BABAM2: variants seen among roughly 807,000 people sequenced by gnomAD.
The protein encoded by BABAM2 is BRISC and BRCA1-A complex member 2.
Under a neutral mutation model 54.7 loss-of-function variants are expected in BABAM2, and 31 were observed. That is an observed-to-expected ratio of 0.57 (90% CI 0.43 to 0.77). The LOEUF (loss-of-function observed/expected upper bound fraction) is 0.77, where lower values mean the gene tolerates loss of function less well. Among genes scored for constraint, BABAM2 ranks in the 30% least tolerant of loss-of-function variants. BABAM2 has a pLI of 0.00. For missense variants in BABAM2, 364 were observed against 455.8 expected (o/e 0.80, Z 1.83); for synonymous variants, 167 against 162.9 (o/e 1.03, Z -0.19).
intron 6 of BABAM2, among the ~76,000 whole-genome samples, chr2:28,087,679 C>T (rs1052741937): frequency 3.3e-5 from 5 of 151,220 alleles, no homozygotes; most frequent in East Asian, 1.9e-4. Flanking sequence ...GACAGAGTCT[C>T]GCTCTGTCGC....
intron 5 of BABAM2, among the ~76,000 whole-genome samples, chr2:28,030,445 G>A (rs1386941711): frequency 1.3e-5 from 2 of 152,202 alleles, no homozygotes; most frequent in Non-Finnish European, 2.9e-5. Flanking sequence ...GCTTACAGCA[G>A]ACCAGGCCTA....
chr2:28,099,571 G>A (rs1346686347), intron 6 of BABAM2, among the ~76,000 whole-genome samples: 1 of 152,090 alleles, frequency 6.6e-6, no homozygotes, highest in Non-Finnish European at 1.5e-5. Flanking sequence ...ATTTTAATGT[G>A]ATCTTTTTTT....
At chr2:28,134,190 A>C (rs1670337021) in intron 7 of BABAM2, among the ~76,000 whole-genome samples, 1 of 132,206 alleles carries the variant, frequency 7.6e-6, no homozygotes, top group South Asian at 2.6e-4. Context: ...AAAAAAAGTC[A>C]ATGGTGAGTT....
chr2:28,033,147 C>T (rs754029211), intron 5 of BABAM2, among the ~76,000 whole-genome samples: 17 of 152,058 alleles, frequency 1.1e-4, no homozygotes, highest in South Asian at 4.1e-4. Flanking sequence ...AAGTATATAT[C>T]CTGTTTTGAT....
chr2:28,061,356 C>A (rs563683813), intron 6 of BABAM2, among the ~76,000 whole-genome samples: 133 of 151,724 alleles, frequency 8.8e-4, no homozygotes, highest in African/African-American at 3.2e-3. Flanking sequence ...GAGGCCGAGG[C>A]GGGCAGATCA....
chr2:28,028,687 TCTC>T (rs573617863), intron 5 of BABAM2, among the ~76,000 whole-genome samples: 11 of 152,212 alleles, frequency 7.2e-5, no homozygotes, highest in Non-Finnish European at 1.5e-4. Flanking sequence ...TAGGTGCTCT[TCTC>T]TGCTAATTCT....
At chr2:28,126,042 G>A (rs1669494372) in intron 6 of BABAM2, among the ~76,000 whole-genome samples, 1 of 152,174 alleles carries the variant, frequency 6.6e-6, no homozygotes, top group Non-Finnish European at 1.5e-5. Context: ...TGAAAAGTGG[G>A]GGTGAGAGAG....
At position 28,094,780 on chromosome 2, in the gene BABAM2, A is replaced by C. The variant is rs183771082; in HGVS notation, c.571-34491A>C. ...AGGATTTCTTTATGCAAATGCGAGT[A>C]TATGTTCTCATTTATTCTCTTCCTT... On this transcript the variant is annotated intron_variant, in intron 6 of 11. Coordinates refer to ENST00000379624, the MANE Select transcript of BABAM2 (RefSeq NM_199191.3). 8.6e-5 allele frequency among the ~76,000 whole-genome samples: 13 copies of C among 151,704 alleles called. No individual in the cohort carries two copies. In the East Asian group the frequency reaches 2.5e-3, roughly 29 times the overall value.
intron 10 of BABAM2, among the ~76,000 whole-genome samples, chr2:28,245,931 T>G (rs1167809102): frequency 3.9e-5 from 6 of 152,192 alleles, no homozygotes; most frequent in Admixed American, 3.9e-4. Context: ...TCTATCTGAT[T>G]ACACACCAAT....
At chr2:28,293,086 T>C (rs1242572145) in intron 10 of BABAM2, among the ~76,000 whole-genome samples, 1 of 152,228 alleles carries the variant, frequency 6.6e-6, no homozygotes, top group Non-Finnish European at 1.5e-5. Flanking sequence ...TCCTCTGTGC[T>C]AGACTGCGAA....
At chr2:28,243,827 C>T (rs1343009352) in intron 9 of BABAM2, among the ~76,000 whole-genome samples, 1 of 152,088 alleles carries the variant, frequency 6.6e-6, no homozygotes, top group Non-Finnish European at 1.5e-5. Context: ...GTTCTTTTAC[C>T]TTTATAAGGG....
chr2:28,190,724 G>A (rs1431566123), intron 7 of BABAM2, among the ~76,000 whole-genome samples: 1 of 152,014 alleles, frequency 6.6e-6, no homozygotes, highest in Non-Finnish European at 1.5e-5. Flanking sequence ...ATCCCATGAG[G>A]GCAGAGCCCT....
intron 7 of BABAM2, among the ~76,000 whole-genome samples, chr2:28,167,800 T>C (rs937101381): frequency 3.3e-5 from 5 of 152,214 alleles, no homozygotes; most frequent in African/African-American, 1.2e-4. Context: ...GGTTACTCTA[T>C]ATATTCTAAA....
At chr2:28,190,623 T>C (rs989593046) in intron 7 of BABAM2, among the ~76,000 whole-genome samples, 11 of 151,756 alleles carry the variant, frequency 7.2e-5, no homozygotes, top group African/African-American at 2.4e-4. Context: ...GGAGGCAGAG[T>C]TTATGGAGAG....
chr2:28,192,743 C>G (rs954864705), intron 7 of BABAM2, among the ~76,000 whole-genome samples: 1 of 150,764 alleles, frequency 6.6e-6, no homozygotes, highest in Admixed American at 6.6e-5. Context: ...AGGATGATCT[C>G]TATCTCCTGA....
chr2:27,983,953 T>TTTTTTTTTTTTTTTTTTTTTTTTTTTA, intron 3 of BABAM2, among the ~76,000 whole-genome samples: 1 of 139,856 alleles, frequency 7.2e-6, no homozygotes, highest in Non-Finnish European at 1.6e-5. Context: ...TTTTTTTTTT[T>TTTTTTTTTTTTTTTTTTTTTTTTTTTA]TTTTTTTTGC....
chr2:27,974,903 T>A (rs1345505835), intron 3 of BABAM2, among the ~76,000 whole-genome samples: 1 of 152,042 alleles, frequency 6.6e-6, no homozygotes, highest in Non-Finnish European at 1.5e-5. Flanking sequence ...GGATGTAAGA[T>A]CAGCATAGGA....
chr2:28,071,035 A>C (rs138441403), intron 6 of BABAM2, among the ~76,000 whole-genome samples: 1 of 152,128 alleles, frequency 6.6e-6, no homozygotes, highest in African/African-American at 2.4e-5. Context: ...TTAAATGAGA[A>C]TAAGATCTGC....
chr2:28,076,001 T>C (rs1022965933), intron 6 of BABAM2, among the ~76,000 whole-genome samples: 2 of 152,152 alleles, frequency 1.3e-5, no homozygotes, highest in African/African-American at 4.8e-5. Flanking sequence ...TGGCGGCTCA[T>C]GCCTGTAATC....
Sources: gnomAD v4.1 joint callset for allele counts (sites outside exome capture counted in the v4.1 genomes callset) on GRCh38, gnomAD v4.1.1 for gene constraint, MANE v1.5 for transcripts, NCBI Gene and HGNC (gene_info 2026-07-23, HGNC 2026-07-21) for gene names.